The following NEGR1 variants were observed in gnomAD, a reference collection of about 807,000 sequenced individuals.
NEGR1 encodes IgLON family member 4.
In NEGR1, 10 loss-of-function variants were observed where a neutral mutation model predicts 40.9. The observed-to-expected ratio is 0.24, with a 90% CI of 0.15 to 0.42. The LOEUF (loss-of-function observed/expected upper bound fraction) is 0.42. NEGR1 is among the 10% of genes least tolerant of loss of function. The pLI is 1.00. For missense variants in NEGR1, 352 were observed against 438.9 expected (o/e 0.80, Z 1.77); for synonymous variants, 185 against 166.8 (o/e 1.11, Z -0.84).
intron 2 of NEGR1, among the ~76,000 whole-genome samples, chr1:71,838,070 CTTA>C (rs1659106438): frequency 6.6e-6 from 1 of 152,036 alleles, no homozygotes; most frequent in South Asian, 2.1e-4. Flanking sequence ...AAAATAAGAT[CTTA>C]TTATCCCAGT....
intron 4 of NEGR1, among the ~76,000 whole-genome samples, chr1:71,633,579 G>A (rs1651046161): frequency 6.6e-6 from 1 of 152,028 alleles, no homozygotes; most frequent in South Asian, 2.1e-4. Flanking sequence ...CATGGAAACT[G>A]GGGAGAAATG....
chr1:71,677,801 C>T (rs1049240054), intron 4 of NEGR1, among the ~76,000 whole-genome samples: 2 of 152,122 alleles, frequency 1.3e-5, no homozygotes, highest in Non-Finnish European at 2.9e-5. Context: ...AACTTGCAGT[C>T]TAGCTTCGTA....
chr1:72,258,264 C>T (rs964275491), intron 1 of NEGR1, among the ~76,000 whole-genome samples: 2 of 152,100 alleles, frequency 1.3e-5, no homozygotes, highest in African/African-American at 2.4e-5. Flanking sequence ...AAGGATACTG[C>T]TAAACATCAT....
At chr1:72,126,811 G>C (rs918854686) in intron 1 of NEGR1, among the ~76,000 whole-genome samples, 1 of 152,186 alleles carries the variant, frequency 6.6e-6, no homozygotes, top group Non-Finnish European at 1.5e-5. Context: ...GAACGAATAA[G>C]ATGATCCCAA....
At chr1:72,243,359 G>A (rs1026566) in intron 1 of NEGR1, among the ~76,000 whole-genome samples, 67,157 of 151,480 alleles carry the variant, frequency 0.44, 15,278 homozygotes, top group Non-Finnish European at 0.48. Flanking sequence ...AGCAAAAATC[G>A]TTATCTATCT....
intron 1 of NEGR1, among the ~76,000 whole-genome samples, chr1:72,242,316 TAA>T (rs760476075): frequency 5.9e-5 from 9 of 151,690 alleles, no homozygotes; most frequent in African/African-American, 1.2e-4. Flanking sequence ...AAAAATTTAT[TAA>T]GTCACATAAA....
intron 1 of NEGR1, among the ~76,000 whole-genome samples, chr1:72,242,476 A>T (rs570333145): frequency 6.6e-6 from 1 of 151,632 alleles, no homozygotes; most frequent in South Asian, 2.1e-4. Context: ...ATAGCGACTC[A>T]ATAAATATCT....
intron 3 of NEGR1, among the ~76,000 whole-genome samples, chr1:71,706,601 G>C (rs1170175052): frequency 6.7e-6 from 1 of 149,918 alleles, no homozygotes; most frequent in Non-Finnish European, 1.5e-5. Context: ...CTTTCTGCTT[G>C]AGGAGAGGAG....
chr1:71,440,831 G>A (rs1433039310), intron 6 of NEGR1, among the ~76,000 whole-genome samples: 2 of 152,194 alleles, frequency 1.3e-5, no homozygotes, highest in Non-Finnish European at 2.9e-5. Flanking sequence ...ACAAAGTCTT[G>A]TGTGTCTGGG....
At chr1:72,154,446 T>C (rs1056690854) in intron 1 of NEGR1, among the ~76,000 whole-genome samples, 5 of 152,030 alleles carry the variant, frequency 3.3e-5, no homozygotes, top group Admixed American at 2.0e-4. Flanking sequence ...AGCTCTCACT[T>C]TCCTTCATGT....
rs1285148377 is a variant in NEGR1 at position 72,195,708 on chromosome 1, A to G, written c.176+86611T>C. ...TTACTCTATATCATATCCAGGGACC[A>G]TATCCAATGTAAAATTCCTGAAAGT... is the stretch of plus-strand genomic sequence containing the variant. On this transcript the variant is annotated intron_variant, in intron 1 of 6. Coordinates refer to ENST00000357731, the MANE Select transcript of NEGR1 (RefSeq NM_173808.3). Among the ~76,000 whole-genome samples, 3 of 152,002 alleles carry G rather than the reference A, an allele frequency of 2.0e-5. No individual in the cohort carries two copies. In the East Asian group the frequency reaches 5.8e-4, roughly 29 times the overall value.
At chr1:71,775,117 T>G (rs1656456476) in intron 3 of NEGR1, among the ~76,000 whole-genome samples, 1 of 152,182 alleles carries the variant, frequency 6.6e-6, no homozygotes, top group Non-Finnish European at 1.5e-5. Flanking sequence ...TGATTAACTT[T>G]ATTCTCCCCT....
chr1:71,857,309 T>G (rs1359021898), intron 2 of NEGR1, among the ~76,000 whole-genome samples: 1 of 151,720 alleles, frequency 6.6e-6, no homozygotes, highest in African/African-American at 2.4e-5. Context: ...TTTTCTCATC[T>G]GAAAAATCTG....
At chr1:71,974,123 T>C (rs1210452208) in intron 1 of NEGR1, among the ~76,000 whole-genome samples, 4 of 152,144 alleles carry the variant, frequency 2.6e-5, no homozygotes, top group Non-Finnish European at 5.9e-5. Context: ...CTCACACCAT[T>C]GCCTCAGGAA....
chr1:71,663,434 C>G (rs979656195), intron 4 of NEGR1, among the ~76,000 whole-genome samples: 1 of 152,102 alleles, frequency 6.6e-6, no homozygotes, highest in Non-Finnish European at 1.5e-5. Flanking sequence ...TTTAATTCAA[C>G]AAACTCAATC....
chr1:71,912,860 T>C (rs555485267), intron 2 of NEGR1, among the ~76,000 whole-genome samples: 4 of 152,280 alleles, frequency 2.6e-5, no homozygotes, highest in East Asian at 3.9e-4. Context: ...TATATATGCA[T>C]ATAAATTTCC....
chr1:71,834,136 A>G (rs1658933229), intron 2 of NEGR1, among the ~76,000 whole-genome samples: 1 of 152,098 alleles, frequency 6.6e-6, no homozygotes, highest in African/African-American at 2.4e-5. Context: ...CTACATTGAT[A>G]CTGGTATTTG....
In NEGR1 at chr1:71,809,682, A is replaced by G. The variant is rs1038510738; in HGVS notation, c.410-33385T>C. On this transcript the variant is annotated intron_variant, in intron 2 of 6. Transcript: ENST00000357731. ...AACTATTCTCTGACTTCATAGTATTATTATATATGACATATAACTTCCTGA... is the reference window on the plus strand; with the variant it reads ...AACTATTCTCTGACTTCATAGTATTGTTATATATGACATATAACTTCCTGA... Among the ~76,000 whole-genome samples the G allele has an allele frequency of 5.3e-5, 8 of 152,276 alleles. No individual in the cohort carries two copies. The South Asian group carries it at 1.0e-3, about 20-fold the overall frequency.
intron 6 of NEGR1, among the ~76,000 whole-genome samples, chr1:71,553,557 T>C (rs943296366): frequency 4.0e-5 from 6 of 151,508 alleles, no homozygotes; most frequent in African/African-American, 1.5e-4. Context: ...AAATTTTAGA[T>C]AAAAAGGTTT....
Sources: gnomAD v4.1 joint callset for allele counts (sites outside exome capture counted in the v4.1 genomes callset) on GRCh38, gnomAD v4.1.1 for gene constraint, MANE v1.5 for transcripts, NCBI Gene and HGNC (gene_info 2026-07-23, HGNC 2026-07-21) for gene names.